Variants in MCC observed in about 807,000 individuals in gnomAD.
The protein encoded by MCC is colorectal mutant cancer protein.
A neutral mutation model predicts 116.2 loss-of-function variants in MCC; 90 were observed. That is an observed-to-expected ratio of 0.77 (90% CI 0.65 to 0.92). The LOEUF is 0.92. MCC is among the 40% of genes least tolerant of loss of function. MCC has a pLI of 0.00. For missense variants in MCC, 1,516 were observed against 1,312.2 expected (o/e 1.16, Z -2.40); for synonymous variants, 578 against 510.5 (o/e 1.13, Z -1.78).
chr5:113,049,180 G>A lies in MCC; in HGVS notation c.2568C>T (p.His856=). The part of the protein sequence containing the change: ...QEQAYLVHIE[H]LKSEVEEQKE... ...TCTGCTCCTCCACCTCGGACTTCAG[G>A]TGCTCAATGTGCACCAGGTAGGCCT... The change falls in exon 16 of 19, where the codon CAC becomes CAT. Residue 856 remains histidine (H), a synonymous_variant. Transcript: ENST00000408903. 6.2e-7 allele frequency: 1 copy of A among 1,614,178 alleles called. No homozygotes were observed. The highest frequency in any genetic ancestry group is 8.5e-7 in the Non-Finnish European group (1 of 1,180,038).
Position 113,384,068 on chromosome 5 carries a change from C to CT in MCC, c.415+899dup, listed in dbSNP as rs202105561. On this transcript the variant is annotated intron_variant, in intron 2 of 18. Coordinates refer to ENST00000408903, the MANE Select transcript of MCC (RefSeq NM_001085377.2). ...CCCTTTAAGATGTCTCCTTTCTTTC[C>CT]TTTTTAACTTTTTATTATGTAAAAT... is the stretch of plus-strand genomic sequence containing the variant. 9.6e-3 allele frequency among the ~76,000 whole-genome samples: 1,007 copies of CT among 104,856 alleles called. 8 individuals are homozygous for CT. Among genetic ancestry groups the CT allele is most frequent in the African/African-American group, 0.029 (942 of 32,278 alleles). The allele number at this position is 104,856 out of a possible 152,430, so 68.8% of individuals were successfully genotyped here.
chr5:113,176,981 T>C (rs912045178), intron 3 of MCC, among the ~76,000 whole-genome samples: 1 of 152,228 alleles, frequency 6.6e-6, no homozygotes, highest in Non-Finnish European at 1.5e-5. Context: ...CTGAGGTGCA[T>C]GTCTGATGAC....
At chr5:113,089,269 C>T (rs538136833) in intron 8 of MCC, among the ~76,000 whole-genome samples, 2 of 152,128 alleles carry the variant, frequency 1.3e-5, no homozygotes, top group Non-Finnish European at 2.9e-5. Context: ...GCAGGCAACG[C>T]TAGAACTCAA....
intron 3 of MCC, among the ~76,000 whole-genome samples, chr5:113,337,354 C>G (rs552559531): frequency 1.3e-5 from 2 of 152,264 alleles, no homozygotes; most frequent in African/African-American, 2.4e-5. Context: ...GGAGGCTGGA[C>G]GAAGGTTCAG....
intron 18 of MCC, among the ~76,000 whole-genome samples, chr5:113,028,380 AT>A (rs67842639): frequency 0.48 from 72,603 of 150,384 alleles, 17,834 homozygotes; most frequent in East Asian, 0.63. Flanking sequence ...TAAAAATGCC[AT>A]TTTTTTTTTT....
At chr5:113,357,898 C>T (rs1481830023) in intron 2 of MCC, among the ~76,000 whole-genome samples, 15 of 152,238 alleles carry the variant, frequency 9.9e-5, no homozygotes, top group Admixed American at 9.8e-4. Context: ...TCAAACTGCA[C>T]ACTTGAATCT....
intron 5 of MCC, among the ~76,000 whole-genome samples, chr5:113,123,566 C>T (rs993444425): frequency 1.3e-5 from 2 of 152,162 alleles, no homozygotes; most frequent in African/African-American, 4.8e-5. Flanking sequence ...CTTCTCAGCC[C>T]TTCAGAGGTC....
intron 11 of MCC, among the ~76,000 whole-genome samples, chr5:113,073,204 C>G (rs1754165822): frequency 6.6e-6 from 1 of 152,152 alleles, no homozygotes; most frequent in South Asian, 2.1e-4. Flanking sequence ...CTGCACTAGA[C>G]CCCTGAGGAT....
chr5:113,389,582 T>G (rs1337637862), intron 1 of MCC, among the ~76,000 whole-genome samples: 1 of 152,222 alleles, frequency 6.6e-6, no homozygotes, highest in Non-Finnish European at 1.5e-5. Flanking sequence ...GCTTTTGGAC[T>G]GTACTTAACT....
At chr5:113,099,786 T>C (rs774715041) in intron 8 of MCC, among the ~76,000 whole-genome samples, 22 of 152,224 alleles carry the variant, frequency 1.4e-4, no homozygotes, top group Admixed American at 2.0e-4. Context: ...GGACTTTTTA[T>C]TTTTTGCTAG....
chr5:113,214,723 C>G (rs1016730152), intron 3 of MCC, among the ~76,000 whole-genome samples: 1 of 152,192 alleles, frequency 6.6e-6, no homozygotes, highest in South Asian at 2.1e-4. Context: ...CACTTCTAAT[C>G]TCAACACCCT....
chr5:113,276,751 C>T (rs1257400510), intron 3 of MCC, among the ~76,000 whole-genome samples: 4 of 151,896 alleles, frequency 2.6e-5, no homozygotes, highest in East Asian at 1.9e-4. Context: ...TTCAGCTTCC[C>T]GAGTGGCTGG....
intron 14 of MCC, among the ~76,000 whole-genome samples, chr5:113,056,797 T>G (rs1271086080): frequency 6.6e-6 from 1 of 152,120 alleles, no homozygotes; most frequent in African/African-American, 2.4e-5. Context: ...AATGCAGAAG[T>G]CATCATTCAT....
intron 1 of MCC, among the ~76,000 whole-genome samples, chr5:113,437,449 G>T (rs955734394): frequency 3.3e-5 from 5 of 152,154 alleles, no homozygotes; most frequent in African/African-American, 1.2e-4. Flanking sequence ...CAAGGATAAA[G>T]ACAATGAGGT....
At chr5:113,275,651 G>T (rs1409753302) in intron 3 of MCC, among the ~76,000 whole-genome samples, 2 of 151,898 alleles carry the variant, frequency 1.3e-5, no homozygotes, top group Non-Finnish European at 2.9e-5. Context: ...AAAATTTCAG[G>T]AAAAATAAGA....
At chr5:113,052,687 C>A (rs1489442722) in intron 15 of MCC, among the ~76,000 whole-genome samples, 1 of 152,146 alleles carries the variant, frequency 6.6e-6, no homozygotes. Context: ...AGTACTGATC[C>A]TAATAGGAGC....
At chr5:113,174,059 C>T (rs1304857375) in intron 3 of MCC, among the ~76,000 whole-genome samples, 1 of 152,148 alleles carries the variant, frequency 6.6e-6, no homozygotes, top group Non-Finnish European at 1.5e-5. Flanking sequence ...TGCTTGAGAA[C>T]TACAGAAATG....
chr5:113,483,444 A>G (rs1168309952), intron 1 of MCC, among the ~76,000 whole-genome samples: 3 of 152,174 alleles, frequency 2.0e-5, no homozygotes, highest in African/African-American at 7.2e-5. Context: ...GTACCCATAG[A>G]GGAATGGCAT....
At position 113,429,113 on chromosome 5, in the gene MCC, T is replaced by C. The variant is rs138876599; in HGVS notation, c.171-43901A>G. ...ACTCTTTTTGAGGGGGAGTGTTGTA[T>C]AGTGAATTGTGTTCCCCTTCCCAAA... On this transcript the variant is annotated intron_variant, in intron 1 of 18. Transcript: ENST00000408903. 1.8e-3 allele frequency among the ~76,000 whole-genome samples: 267 copies of C among 152,306 alleles called. 1 individual carries two copies. Among genetic ancestry groups the C allele is most frequent in the African/African-American group, 6.1e-3 (253 of 41,562 alleles).
Sources: allele counts gnomAD v4.1 joint callset (sites outside exome capture counted in the v4.1 genomes callset), GRCh38; gene constraint gnomAD v4.1.1; transcripts MANE v1.5; gene names NCBI Gene and HGNC (gene_info 2026-07-23, HGNC 2026-07-21).